The following SORCS3 variants were observed in gnomAD, a reference collection of about 807,000 sequenced individuals.
The protein encoded by SORCS3 is sortilin related VPS10 domain containing receptor 3, also known as VPS10 domain-containing receptor SorCS3.
SORCS3 carries 57 observed loss-of-function variants against 146.3 expected under a neutral mutation model. The ratio of observed to expected loss-of-function variants is 0.39; its 90% CI spans 0.31 to 0.49. SORCS3 has a LOEUF of 0.49. SORCS3 is among the 20% of genes least tolerant of loss of function. The pLI, the probability that SORCS3 is intolerant of heterozygous loss-of-function variation, is 0.92. For missense variants in SORCS3, 1,341 were observed against 1,575.5 expected (o/e 0.85, Z 2.52); for synonymous variants, 653 against 618.5 (o/e 1.06, Z -0.83).
intron 10 of SORCS3, among the ~76,000 whole-genome samples, chr10:105,158,637 A>AAGAGAGGG (rs146404329): frequency 6.6e-6 from 1 of 151,740 alleles, no homozygotes; most frequent in African/African-American, 2.4e-5. Context: ...TTGGGTGAGG[A>AAGAGAGGG]AGAGAGGGAA....
At chr10:104,654,777 A>G (rs1018739875) in intron 1 of SORCS3, among the ~76,000 whole-genome samples, 4 of 152,238 alleles carry the variant, frequency 2.6e-5, no homozygotes, top group Admixed American at 2.6e-4. Flanking sequence ...AAGGAGGTAC[A>G]TAACATAAGA....
intron 5 of SORCS3, among the ~76,000 whole-genome samples, chr10:105,058,050 C>G (rs1376037877): frequency 2.0e-5 from 3 of 152,202 alleles, no homozygotes; most frequent in Non-Finnish European, 4.4e-5. Context: ...CGACATTCTC[C>G]AACCTTTTCC....
At chr10:104,900,899 G>A (rs1047132047) in intron 2 of SORCS3, among the ~76,000 whole-genome samples, 21 of 117,076 alleles carry the variant, frequency 1.8e-4, no homozygotes, top group Admixed American at 3.9e-4. Flanking sequence ...ATCTTGGGGT[G>A]GGGGGAGGGG....
At position 105,264,328 on chromosome 10, in the gene SORCS3, T is replaced by C. The variant is rs1386376873; in HGVS notation, c.*954T>C. The C allele has an allele frequency of 6.6e-6, 1 of 152,210 alleles. No individual in the cohort carries two copies. Among genetic ancestry groups the C allele is most frequent in the Non-Finnish European group, 1.5e-5 (1 of 68,018 alleles). 9.4% of individuals were successfully genotyped at this position (152,210 alleles called of 1,614,324 possible). A position where few individuals can be genotyped will look rare whatever the true frequency, so the allele number is the denominator to read the frequency against. On this transcript the variant is annotated 3_prime_UTR_variant, in exon 27 of 27. Transcript: ENST00000369701. ...CCTCTCTAAAAGGAAAAACTTGATA[T>C]TTATCAGTCTGAGAAAATATTTTTT...
chr10:104,885,263 A>G (rs532945725), intron 2 of SORCS3, among the ~76,000 whole-genome samples: 13 of 152,210 alleles, frequency 8.5e-5, no homozygotes, highest in South Asian at 2.1e-4. Flanking sequence ...TTTTGGAATC[A>G]TAAGCCATGC....
At chr10:105,253,640 AG>A (rs1202802305) in intron 23 of SORCS3, among the ~76,000 whole-genome samples, 1 of 152,192 alleles carries the variant, frequency 6.6e-6, no homozygotes, top group Non-Finnish European at 1.5e-5. Context: ...AGTGAGCATG[AG>A]GCTGCAGAAA....
chr10:104,869,611 T>A lies in SORCS3; in HGVS notation c.695+26752T>A, dbSNP rs186624257. On this transcript the variant is annotated intron_variant, in intron 2 of 26. Transcript: ENST00000369701. The stretch of plus-strand genomic sequence containing the variant: ...ATCACAGCATCTTTCGGATGGACCC[T>A]CTAGGCACTATCACCAACCATTTCT... Among the ~76,000 whole-genome samples, 39 of 152,338 alleles carry A rather than the reference T, an allele frequency of 2.6e-4. 1 individual carries two copies. The highest frequency in any genetic ancestry group is 2.5e-4 in the Non-Finnish European group (17 of 68,046).
intron 4 of SORCS3, among the ~76,000 whole-genome samples, chr10:105,041,640 C>G (rs1240943656): frequency 6.6e-6 from 1 of 151,696 alleles, no homozygotes; most frequent in Non-Finnish European, 1.5e-5. Context: ...TTTTCTGAGC[C>G]CCACAAAACT....
intron 1 of SORCS3, among the ~76,000 whole-genome samples, chr10:104,774,356 G>A (rs912306321): frequency 6.6e-6 from 1 of 152,136 alleles, no homozygotes; most frequent in African/African-American, 2.4e-5. Flanking sequence ...TAATCCCCAT[G>A]CCTCAGAGGT....
chr10:105,168,797 A>C (rs529103552), intron 13 of SORCS3, among the ~76,000 whole-genome samples: 12 of 152,260 alleles, frequency 7.9e-5, no homozygotes, highest in African/African-American at 2.9e-4. Flanking sequence ...TTAAAGCTTA[A>C]CCTAGCTTAT....
At chr10:104,892,132 C>A (rs948638283) in intron 2 of SORCS3, among the ~76,000 whole-genome samples, 1 of 152,160 alleles carries the variant, frequency 6.6e-6, no homozygotes, top group Non-Finnish European at 1.5e-5. Flanking sequence ...AAAATTCCAG[C>A]TTGATGGTTA....
At chr10:104,837,928 T>A (rs2018089364) in intron 1 of SORCS3, among the ~76,000 whole-genome samples, 1 of 152,188 alleles carries the variant, frequency 6.6e-6, no homozygotes. Context: ...CAGACAGGCA[T>A]GAGCAGAAAT....
chr10:105,197,939 A>G (rs183964511), intron 14 of SORCS3, among the ~76,000 whole-genome samples: 3 of 152,294 alleles, frequency 2.0e-5, no homozygotes, highest in Admixed American at 2.0e-4. Context: ...ATGAACAAGA[A>G]AGAGCAGACA....
chr10:104,707,248 T>G (rs908610973), intron 1 of SORCS3, among the ~76,000 whole-genome samples: 3 of 152,236 alleles, frequency 2.0e-5, no homozygotes, highest in Non-Finnish European at 4.4e-5. Context: ...TTTCATGGTT[T>G]AGTCCATAAG....
chr10:104,730,358 G>T (rs193184240), intron 1 of SORCS3, among the ~76,000 whole-genome samples: 1 of 152,146 alleles, frequency 6.6e-6, no homozygotes, highest in Admixed American at 6.5e-5. Flanking sequence ...CTGCCTCCCC[G>T]TCTGTACTAC....
chr10:104,818,635 T>G (rs2017835740), intron 1 of SORCS3, among the ~76,000 whole-genome samples: 1 of 152,178 alleles, frequency 6.6e-6, no homozygotes, highest in Non-Finnish European at 1.5e-5. Context: ...TGTGCCTCCC[T>G]GTACTCTGAG....
chr10:104,770,492 A>G (rs1424872496), intron 1 of SORCS3, among the ~76,000 whole-genome samples: 4 of 152,236 alleles, frequency 2.6e-5, no homozygotes, highest in African/African-American at 2.4e-5. Flanking sequence ...AATGAGTCAC[A>G]TATGAAATGT....
chr10:104,796,091 T>A (rs2017551688), intron 1 of SORCS3, among the ~76,000 whole-genome samples: 1 of 152,236 alleles, frequency 6.6e-6, no homozygotes, highest in African/African-American at 2.4e-5. Flanking sequence ...TAACTTCATA[T>A]GAAAGTCCTC....
chr10:105,185,859 T>C (rs2056472279), intron 14 of SORCS3, among the ~76,000 whole-genome samples: 2 of 152,232 alleles, frequency 1.3e-5, no homozygotes, highest in African/African-American at 2.4e-5. Flanking sequence ...ATATGTGGTA[T>C]CACTTTATAT....
Sources: gnomAD v4.1 joint callset for allele counts (sites outside exome capture counted in the v4.1 genomes callset) on GRCh38, gnomAD v4.1.1 for gene constraint, MANE v1.5 for transcripts, NCBI Gene and HGNC (gene_info 2026-07-23, HGNC 2026-07-21) for gene names.